Variants in PTPRM observed in about 807,000 individuals in gnomAD.
PTPRM encodes protein tyrosine phosphatase receptor type M, also known as receptor-type tyrosine-protein phosphatase mu.
In PTPRM, 47 loss-of-function variants were observed where a neutral mutation model predicts 186.7. The observed-to-expected ratio is 0.25, with a 90% confidence interval of 0.20 to 0.32. The LOEUF is 0.32. Ranked by LOEUF, PTPRM falls within the 10% of genes least tolerant of loss-of-function variation. The probability of loss-of-function intolerance (pLI) is 1.00; values close to 1 mark genes in which losing one functional copy is unlikely to be tolerated. For missense variants in PTPRM, 1,494 were observed against 1,865.0 expected, an observed-to-expected ratio of 0.80 and a Z score of 3.66; for synonymous variants, 668 against 674.9, an observed-to-expected ratio of 0.99 and a Z score of 0.16.
At chr18:7,995,562 A>C (rs1301206057) in intron 7 of PTPRM, 2 of 152,226 alleles carry the variant, frequency 1.3e-5, no homozygotes, top group Non-Finnish European at 2.9e-5. Flanking sequence ...GCACATTAAA[A>C]AGTTACAAAG....
At chr18:8,343,763 G>A (rs901548080) in intron 23 of PTPRM, among the ~76,000 whole-genome samples, 3 of 152,144 alleles carry the variant, frequency 2.0e-5, no homozygotes, top group East Asian at 3.9e-4. Flanking sequence ...AGTTGTTATC[G>A]GGCCATATTG....
At chr18:7,984,885 A>G (rs1305939674) in intron 7 of PTPRM, among the ~76,000 whole-genome samples, 10 of 130,658 alleles carry the variant, frequency 7.7e-5, no homozygotes. Context: ...ATATAATTAT[A>G]TATACATATA....
intron 7 of PTPRM, among the ~76,000 whole-genome samples, chr18:8,048,946 A>G (rs1191257043): frequency 6.6e-6 from 1 of 152,170 alleles, no homozygotes; most frequent in East Asian, 1.9e-4. Context: ...TCCGGGTAAA[A>G]TATCAGTTCC....
At chr18:8,068,953 CAA>C (rs2089280616) in intron 7 of PTPRM, among the ~76,000 whole-genome samples, 1 of 151,152 alleles carries the variant, frequency 6.6e-6, no homozygotes, top group Non-Finnish European at 1.5e-5. Flanking sequence ...CACACACACA[CAA>C]AAAAATTAGC....
chr18:8,122,468 A>G (rs1401175312), intron 13 of PTPRM, among the ~76,000 whole-genome samples: 1 of 152,164 alleles, frequency 6.6e-6, no homozygotes, highest in African/African-American at 2.4e-5. Context: ...AAATTAAGTG[A>G]CATGCTTGGC....
chr18:8,278,782 G>C (rs7237269), intron 19 of PTPRM, among the ~76,000 whole-genome samples: 1 of 152,104 alleles, frequency 6.6e-6, no homozygotes, highest in Non-Finnish European at 1.5e-5. Flanking sequence ...ACAAGTCTGC[G>C]TATCCCAATC....
chr18:8,230,395 G>C (rs2094272078), intron 14 of PTPRM, among the ~76,000 whole-genome samples: 2 of 152,168 alleles, frequency 1.3e-5, no homozygotes. Context: ...GTCCAAGCTG[G>C]GAACTTTATG....
At chr18:8,277,922 CAT>C (rs2094855134) in intron 19 of PTPRM, among the ~76,000 whole-genome samples, 1 of 152,194 alleles carries the variant, frequency 6.6e-6, no homozygotes, top group Non-Finnish European at 1.5e-5. Context: ...TGTAAGTACA[CAT>C]GAGTAGGGAG....
At chr18:8,092,640 A>G (rs1264478163) in intron 11 of PTPRM, among the ~76,000 whole-genome samples, 2 of 152,094 alleles carry the variant, frequency 1.3e-5, no homozygotes, top group African/African-American at 2.4e-5. Flanking sequence ...GCAGTGTTCA[A>G]TTTGGAAAGC....
chr18:7,851,907 G>A (rs932826258), intron 2 of PTPRM, among the ~76,000 whole-genome samples: 2 of 152,138 alleles, frequency 1.3e-5, no homozygotes, highest in Non-Finnish European at 2.9e-5. Flanking sequence ...AGAGAATGGG[G>A]TTAGTGTTTT....
chr18:8,152,994 G>A (rs893699617), intron 14 of PTPRM, among the ~76,000 whole-genome samples: 2 of 152,066 alleles, frequency 1.3e-5, no homozygotes, highest in Admixed American at 6.6e-5. Flanking sequence ...AGGATTACAG[G>A]CATGAGCCAC....
intron 4 of PTPRM, among the ~76,000 whole-genome samples, chr18:7,920,475 C>T (rs1451813771): frequency 4.6e-5 from 7 of 152,028 alleles, no homozygotes; most frequent in Admixed American, 1.3e-4. Context: ...GAAAAAAATG[C>T]TTTTATGCTT....
chr18:8,394,351 C>T (rs2095834904), intron 31 of PTPRM, 125 bp from the exon 32 acceptor site: 1 of 1,075,702 alleles, frequency 9.3e-7, no homozygotes, highest in Non-Finnish European at 1.3e-6. Context: ...GGTAAGAGGT[C>T]CCCCGGCCTC....
intron 2 of PTPRM, among the ~76,000 whole-genome samples, chr18:7,779,972 C>T (rs955753777): frequency 6.6e-6 from 1 of 152,136 alleles, no homozygotes; most frequent in African/African-American, 2.4e-5. Context: ...CACATTTTCC[C>T]ACATTTATTA....
Position 7,838,568 on chromosome 18 carries a change from C to T in PTPRM, c.197-49538C>T, listed in dbSNP as rs546498169. 3.3e-5 allele frequency among the ~76,000 whole-genome samples: 5 copies of T among 152,356 alleles called. No homozygotes were observed. In the South Asian group the frequency reaches 1.0e-3, roughly 32 times the overall value. Reference sequence around the variant, plus strand: ...CCACCTGGAGCTGAGGGTGGAGACACAAGCACCCCTGTGCCCACTATCTCT... The same window carrying T: ...CCACCTGGAGCTGAGGGTGGAGACATAAGCACCCCTGTGCCCACTATCTCT... On this transcript the variant is annotated intron_variant, in intron 2 of 32. Transcript: ENST00000580170.
intron 24 of PTPRM, among the ~76,000 whole-genome samples, chr18:8,372,951 T>C (rs1249788879): frequency 6.6e-6 from 1 of 152,156 alleles, no homozygotes; most frequent in Non-Finnish European, 1.5e-5. Flanking sequence ...TCCTCTTTTT[T>C]TTTAACCTCT....
intron 7 of PTPRM, among the ~76,000 whole-genome samples, chr18:7,958,207 C>CAAAAAAAAAAAAAAA (rs534178363): frequency 2.2e-4 from 25 of 115,268 alleles, no homozygotes; most frequent in African/African-American, 8.3e-4. Flanking sequence ...CCATCCCCTG[C>CAAAAAAAAAAAAAAA]AAAAAAAAAA....
chr18:8,246,350 T>G (rs994702378), intron 15 of PTPRM, among the ~76,000 whole-genome samples: 11 of 152,122 alleles, frequency 7.2e-5, no homozygotes, highest in Admixed American at 2.6e-4. Flanking sequence ...AAAATAAGCA[T>G]GACCACAGTT....
intron 1 of PTPRM, among the ~76,000 whole-genome samples, chr18:7,606,499 A>C (rs1187630328): frequency 6.6e-6 from 1 of 152,090 alleles, no homozygotes; most frequent in Non-Finnish European, 1.5e-5. Context: ...AGAAGGTAGA[A>C]ATCATTTTTG....
Sources: allele counts gnomAD v4.1 joint callset (sites outside exome capture counted in the v4.1 genomes callset), GRCh38; gene constraint gnomAD v4.1.1; transcripts MANE v1.5; gene names NCBI Gene and HGNC (gene_info 2026-07-23, HGNC 2026-07-21).